DYTN: variants seen among roughly 807,000 people sequenced by gnomAD.
DYTN encodes dystrotelin.
Under a neutral mutation model 69.6 loss-of-function variants are expected in DYTN, and 75 were observed. The observed-to-expected ratio is 1.08, with a 90% CI of 0.89 to 1.31. The LOEUF is 1.31. Ranked by LOEUF, DYTN falls within the 50% of genes most tolerant of loss-of-function variation. The pLI is 0.00. For missense variants in DYTN, 726 were observed against 688.4 expected (o/e 1.05, Z -0.61); for synonymous variants, 252 against 249.1 (o/e 1.01, Z -0.11).
intron 7 of DYTN, among the ~76,000 whole-genome samples, chr2:206,698,275 G>T (rs186792681): frequency 1.3e-5 from 2 of 152,230 alleles, no homozygotes; most frequent in Admixed American, 1.3e-4. Flanking sequence ...AAGTTTCACT[G>T]TGTCCTGCAA....
intron 7 of DYTN, among the ~76,000 whole-genome samples, chr2:206,696,478 G>A (rs1044124110): frequency 1.3e-5 from 2 of 152,108 alleles, no homozygotes; most frequent in Non-Finnish European, 2.9e-5. Context: ...TAAATAATGT[G>A]GGATGATATA....
At chr2:206,698,053 C>A (rs1699939873) in intron 7 of DYTN, among the ~76,000 whole-genome samples, 1 of 152,132 alleles carries the variant, frequency 6.6e-6, no homozygotes, top group Non-Finnish European at 1.5e-5. Flanking sequence ...GCAGTAACTC[C>A]TTAACTAATA....
chr2:206,668,766 C>T (rs1699600285), intron 9 of DYTN, among the ~76,000 whole-genome samples: 1 of 152,188 alleles, frequency 6.6e-6, no homozygotes, highest in Admixed American at 6.5e-5. Context: ...ATAATCCCCA[C>T]GTGTCAAGGG....
At chr2:206,665,780 A>G (rs1699563402) in intron 10 of DYTN, 90 bp downstream of exon 10, 2 of 1,489,080 alleles carry the variant, frequency 1.3e-6, no homozygotes. Context: ...AGGCTGATCA[A>G]AGTAAGGTGG....
chr2:206,675,403 G>A (rs1699675160), intron 9 of DYTN, among the ~76,000 whole-genome samples: 1 of 150,578 alleles, frequency 6.6e-6, no homozygotes, highest in Non-Finnish European at 1.5e-5. Flanking sequence ...CAATATTTGA[G>A]TTTCTAAAAC....
chr2:206,710,086 A>G (rs16838656), intron 2 of DYTN, among the ~76,000 whole-genome samples: 2,630 of 152,324 alleles, frequency 0.017, 65 homozygotes, highest in African/African-American at 0.059. Context: ...TTGCATGTTC[A>G]TATATAGATT....
intron 9 of DYTN, among the ~76,000 whole-genome samples, chr2:206,677,783 G>T (rs1699706631): frequency 6.6e-6 from 1 of 152,146 alleles, no homozygotes; most frequent in African/African-American, 2.4e-5. Context: ...ATAAGGTCAG[G>T]AGTTCAAGAC....
chr2:206,691,871 G>C lies in DYTN; in HGVS notation c.980+1304C>G, dbSNP rs138439935. Among the ~76,000 whole-genome samples the C allele has an allele frequency of 4.7e-3, 710 of 152,276 alleles. 1 individual carries two copies. The highest frequency in any genetic ancestry group is 7.3e-3 in the Non-Finnish European group (495 of 68,020). Reference sequence around the variant, plus strand: ...ATTTGCTGCTGGATGTCTGAGAAAAGATTAGAGAATTATAAAAGAAATTAA... The same window carrying C: ...ATTTGCTGCTGGATGTCTGAGAAAACATTAGAGAATTATAAAAGAAATTAA... On this transcript the variant is annotated intron_variant, in intron 9 of 11. Transcript: ENST00000452335.
chr2:206,692,265 TA>T (rs11379805), intron 9 of DYTN, among the ~76,000 whole-genome samples: 1,997 of 128,148 alleles, frequency 0.016, 24 homozygotes, highest in African/African-American at 0.041. Context: ...ATCTTGTCTC[TA>T]AAAAAAAAAA....
At position 206,707,507 on chromosome 2, in the gene DYTN, TA is replaced by T. The variant is rs1700039752; in HGVS notation, c.95-5del. The T allele has an allele frequency of 3.1e-6, 5 of 1,605,136 alleles. No individual in the cohort carries two copies. Among genetic ancestry groups the T allele is most frequent in the Non-Finnish European group, 4.3e-6 (5 of 1,175,866 alleles). On this transcript the variant is annotated splice_polypyrimidine_tract_variant and splice_region_variant and intron_variant, in intron 2 of 11. Coordinates refer to ENST00000452335, the MANE Select transcript of DYTN (RefSeq NM_001093730.1). ...AGGGAGCTGTCAATCAAGTCCACTG[TA>T]GGAAGCAAATGAAGAATTGAGCCTT...
At chr2:206,705,949 T>C in intron 3 of DYTN, 76 bp from the exon 4 acceptor site, 1 of 1,490,454 alleles carries the variant, frequency 6.7e-7, no homozygotes, top group South Asian at 1.2e-5. Context: ...ATAAAAACCA[T>C]AACTATTAAT....
At chr2:206,656,129 T>A in intron 11 of DYTN, among the ~76,000 whole-genome samples, 1 of 152,158 alleles carries the variant, frequency 6.6e-6, no homozygotes, top group African/African-American at 2.4e-5. Context: ...CCCTTCAGTT[T>A]TGTCAATAAT....
chr2:206,676,788 C>T (rs897586805), intron 9 of DYTN, among the ~76,000 whole-genome samples: 1 of 151,924 alleles, frequency 6.6e-6, no homozygotes, highest in African/African-American at 2.4e-5. Context: ...TCTTACCACA[C>T]ATACAAATTA....
intron 9 of DYTN, among the ~76,000 whole-genome samples, chr2:206,692,368 T>C (rs192108640): frequency 2.0e-5 from 3 of 152,076 alleles, no homozygotes; most frequent in Admixed American, 1.3e-4. Flanking sequence ...CTTTTAAAGG[T>C]CATCTTTAGG....
At chr2:206,685,146 A>ATTTC (rs1220251838) in intron 9 of DYTN, among the ~76,000 whole-genome samples, 1 of 99,686 alleles carries the variant, frequency 1.0e-5, no homozygotes, top group Non-Finnish European at 1.8e-5. Context: ...AGCATGGCTT[A>ATTTC]TTTATTTATT....
chr2:206,652,221 C>A (rs1398784701), intron 11 of DYTN, among the ~76,000 whole-genome samples: 1 of 152,142 alleles, frequency 6.6e-6, no homozygotes, highest in African/African-American at 2.4e-5. Context: ...TAAAAATCAC[C>A]TGGAGATTGT....
chr2:206,679,760 G>A (rs1170118347), intron 9 of DYTN, among the ~76,000 whole-genome samples: 1 of 152,104 alleles, frequency 6.6e-6, no homozygotes, highest in East Asian at 1.9e-4. Context: ...GAGAACATAA[G>A]GAAAGACACG....
rs571753658 is a variant in DYTN, at chr2:206,693,274, T to C, written c.881A>G (p.Asn294Ser). 5 of 1,613,554 alleles carry C rather than the reference T, an allele frequency of 3.1e-6. No homozygotes were observed. In the East Asian group the frequency reaches 6.7e-5, roughly 22 times the overall value. The change falls in exon 9 of 12, where the codon AAC (asparagine) becomes AGC (serine). Residue 294 changes from asparagine (N) to serine (S), a missense_variant. Transcript: ENST00000452335. ...CTTCCTACAGCGCCCCTGAAGAAGG[T>C]TGTTTCTGAGGGTCCTGAAGAGAAG... is the stretch of plus-strand genomic sequence containing the variant. ...TKLLFRTLRN[N>S]LLQGRCRKKE...
intron 8 of DYTN, 137 bp from the exon 9 acceptor site, chr2:206,693,460 CCTT>C: frequency 8.9e-7 from 1 of 1,117,422 alleles, no homozygotes; most frequent in East Asian, 2.6e-5. Flanking sequence ...AATCTTACCT[CCTT>C]CTTGTCCCTG....
Sources: gnomAD v4.1 joint callset for allele counts (sites outside exome capture counted in the v4.1 genomes callset) on GRCh38, gnomAD v4.1.1 for gene constraint, MANE v1.5 for transcripts, NCBI Gene and HGNC (gene_info 2026-07-23, HGNC 2026-07-21) for gene names.